MMP28: variants seen among roughly 807,000 people sequenced by gnomAD.
MMP28 encodes matrix metallopeptidase 28.
In MMP28, 55 loss-of-function variants were observed where a neutral mutation model predicts 60.5. The ratio of observed to expected loss-of-function variants is 0.91; its 90% confidence interval spans 0.73 to 1.14. MMP28 has a LOEUF of 1.14. Among genes scored for constraint, MMP28 ranks in the 50% most tolerant of loss-of-function variants. The pLI is 0.00. For synonymous variants in MMP28, 318 were observed against 312.5 expected (o/e 1.02, Z -0.18); for missense variants, 686 against 738.3 (o/e 0.93, Z 0.82).
At chr17:35,783,361 G>C (rs1457644869) in intron 1 of MMP28, among the ~76,000 whole-genome samples, 3 of 152,194 alleles carry the variant, frequency 2.0e-5, no homozygotes, top group Non-Finnish European at 4.4e-5. Flanking sequence ...TCTGTAAAAA[G>C]GGAACTGCTT....
chr17:35,770,456 T>G, intron 4 of MMP28, 144 bp from the exon 5 acceptor site: 2 of 1,109,084 alleles, frequency 1.8e-6, no homozygotes, highest in Non-Finnish European at 2.5e-6. Flanking sequence ...ACCTGAAGTG[T>G]GCAGAGGTGA....
intron 1 of MMP28, among the ~76,000 whole-genome samples, chr17:35,781,033 T>C (rs942678468): frequency 7.9e-5 from 12 of 152,016 alleles, no homozygotes; most frequent in African/African-American, 2.7e-4. Context: ...GGAAAGGGTG[T>C]TCCAGACAGA....
Position 35,766,667 on chromosome 17 carries a change from C to T in MMP28, c.1396G>A (p.Val466Ile). ...LQDWGGIPEE[V>I]SGALPRPDGS... ...TCGGGCCTCGGCAGGGCGCCGCTGA[C>T]CTCCTCAGGGATGCCTCCCCAGTCC... is the stretch of plus-strand genomic sequence containing the variant. Residue 466 changes from valine to isoleucine, a missense_variant, in exon 8 of 8, where the codon GTC becomes ATC. Transcript: ENST00000605424. This position sits in a 1 kb window ranked among gnomAD's most constrained non-coding sequence, Gnocchi z 4.3. The T allele has an allele frequency of 6.2e-7, 1 of 1,610,832 alleles. No homozygotes were observed. The highest frequency in any genetic ancestry group is 8.5e-7 in the Non-Finnish European group (1 of 1,178,814).
intron 4 of MMP28, among the ~76,000 whole-genome samples, chr17:35,771,702 T>G (rs1174247612): frequency 1.2e-4 from 1 of 8,564 alleles, no homozygotes; most frequent in East Asian, 3.8e-3. Context: ...AGTGAATATA[T>G]ATATATATAT....
Position 35,770,263 on chromosome 17 carries a change from G to C in MMP28, c.654C>G (p.Phe218Leu), listed in dbSNP as rs973973035. 2 of 1,578,476 alleles carry C rather than the reference G, an allele frequency of 1.3e-6. No individual in the cohort carries two copies. The highest frequency in any genetic ancestry group is 1.8e-5 in the Admixed American group (1 of 56,616). ...AFLPRRGEAH[F>L]DQDERWSLSR... is the part of the protein sequence containing the mutation. ...TCAGGGACCAGCGCTCATCTTGGTC[G>C]AAGTGCGCTTCGCCGCGGCGGGGCA... Residue 218 changes from phenylalanine to leucine, a missense_variant, in exon 5 of 8, where the codon TTC becomes TTG. By Grantham distance (22) the Phe-to-Leu change is conservative. Transcript: ENST00000605424.
intron 1 of MMP28, among the ~76,000 whole-genome samples, chr17:35,794,874 A>G (rs2086921415): frequency 1.3e-5 from 2 of 152,216 alleles, no homozygotes. Flanking sequence ...CCGGCCAGCC[A>G]GCGGTACCCT....
rs2086305164 is a variant in MMP28 at position 35,775,689 on chromosome 17, A to G, written c.380-2285T>C. Among the ~76,000 whole-genome samples the G allele has an allele frequency of 4.6e-5, 7 of 152,222 alleles. No homozygotes were observed. The South Asian group carries it at 1.4e-3, about 32-fold the overall frequency. The stretch of plus-strand genomic sequence containing the variant: ...TCCCATGGTAAGATGTGAGGCTTAA[A>G]TGAGACAGCAATGTGGAGCTGCTGG... On this transcript the variant is annotated intron_variant, in intron 3 of 7. Transcript: ENST00000605424.
At chr17:35,793,540 A>T (rs1402139396) in intron 1 of MMP28, among the ~76,000 whole-genome samples, 1 of 152,184 alleles carries the variant, frequency 6.6e-6, no homozygotes, top group Admixed American at 6.5e-5. Flanking sequence ...GGAGGGGTGG[A>T]AGGCAATGAG....
intron 1 of MMP28, among the ~76,000 whole-genome samples, chr17:35,788,672 C>T (rs918284268): frequency 3.3e-5 from 5 of 152,150 alleles, no homozygotes; most frequent in African/African-American, 1.2e-4. Flanking sequence ...GGATACTCCA[C>T]AGAAGCTCCA....
rs1555603706 is a variant in MMP28, at chr17:35,766,928, A to G, written c.1169-34T>C. 6.5e-7 allele frequency: 1 copy of G among 1,545,590 alleles called. No individual in the cohort carries two copies. The highest frequency in any genetic ancestry group is 1.9e-5 in the Admixed American group (1 of 51,694). On this transcript the variant is annotated intron_variant, in intron 7 of 7. Transcript: ENST00000605424. This position sits in a 1 kb window ranked among gnomAD's most constrained non-coding sequence, Gnocchi z 4.3. ...AATTGGGAGAGCCAGGGTGAGCTGG[A>G]GGCTGTCACCCATTGGCCCTCTACC...
chr17:35,790,884 A>G lies in MMP28; in HGVS notation c.111+4383T>C, dbSNP rs187196072. On this transcript the variant is annotated intron_variant, in intron 1 of 7. Coordinates refer to ENST00000605424, the MANE Select transcript of MMP28 (RefSeq NM_024302.5). ...CACTGACATTCCAATTCACAAATGT[A>G]TTAATGTTTTTTTTTTTTTTAAATG... is the stretch of plus-strand genomic sequence containing the variant. 2.8e-3 allele frequency among the ~76,000 whole-genome samples: 417 copies of G among 148,398 alleles called. 3 individuals are homozygous for G. Among genetic ancestry groups the G allele is most frequent in the African/African-American group, 1.0e-2 (398 of 39,960 alleles).
At chr17:35,768,868 A>G (rs558150304) in intron 5 of MMP28, among the ~76,000 whole-genome samples, 5 of 152,204 alleles carry the variant, frequency 3.3e-5, no homozygotes, top group Non-Finnish European at 7.3e-5. Context: ...AACTAAACTC[A>G]GGAATCTTCT....
At chr17:35,791,733 C>T (rs2086820110) in intron 1 of MMP28, among the ~76,000 whole-genome samples, 1 of 152,140 alleles carries the variant, frequency 6.6e-6, no homozygotes, top group Admixed American at 6.5e-5. Context: ...CTGGCCCAGA[C>T]TGCCAATATC....
Position 35,770,082 on chromosome 17 carries a change from C to A in MMP28, c.835G>T (p.Val279Leu), listed in dbSNP as rs764976085. The change falls in exon 5 of 8, where the codon GTG becomes TTG. Residue 279 changes from valine to leucine, a missense_variant. Transcript: ENST00000605424. ...GGGGCCTCACCATACAGGCTCTGCA[C>A]GGCCAGCACGTCGTCCCAGCTGAGC... is the stretch of plus-strand genomic sequence containing the variant. ...ALLSWDDVLA[V>L]QSLYGKPLGG... 5 of 1,585,884 alleles carry A rather than the reference C, an allele frequency of 3.2e-6. No individual in the cohort carries two copies. The highest frequency in any genetic ancestry group is 2.3e-5 in the East Asian group (1 of 44,154).
Position 35,776,388 on chromosome 17 carries a change from C to A in MMP28, c.379+2500G>T, listed in dbSNP as rs183400586. 3.8e-3 allele frequency among the ~76,000 whole-genome samples: 573 copies of A among 151,806 alleles called. 3 individuals carry two copies. The highest frequency in any genetic ancestry group is 6.1e-3 in the Non-Finnish European group (414 of 67,892). ...ACGGGGTTTTATCATGTTGGCCAGG[C>A]TGGTCTCAAACTCCTGACCTCAGGT... is the stretch of plus-strand genomic sequence containing the variant. On this transcript the variant is annotated intron_variant, in intron 3 of 7. Transcript: ENST00000605424.
At chr17:35,763,846 G>A (rs1217024797), downstream of MMP28, 5 of 507,820 alleles carry the variant, frequency 9.8e-6, no homozygotes, top group Admixed American at 2.3e-4. Context: ...GCAGTGAGCA[G>A]AGATCACGCC....
chr17:35,765,308 C>T (rs587594546), downstream of MMP28, among the ~76,000 whole-genome samples: 7 of 152,356 alleles, frequency 4.6e-5, no homozygotes, highest in African/African-American at 9.6e-5. Flanking sequence ...AGACCATTCT[C>T]GCCTGCCCTA....
At chr17:35,768,105 A>G in intron 6 of MMP28, 125 bp downstream of exon 6, 1 of 1,351,600 alleles carries the variant, frequency 7.4e-7, no homozygotes, top group South Asian at 1.5e-5. Context: ...TGCTACCTGC[A>G]GCGTGCTTGT....
At chr17:35,785,942 G>A (rs201581333) in intron 1 of MMP28, among the ~76,000 whole-genome samples, 2 of 152,146 alleles carry the variant, frequency 1.3e-5, no homozygotes, top group Non-Finnish European at 2.9e-5. Flanking sequence ...AAGATGGTCT[G>A]GGAAAGCTTT....
Sources: allele counts gnomAD v4.1 joint callset (sites outside exome capture counted in the v4.1 genomes callset), GRCh38; gene constraint gnomAD v4.1.1; non-coding constraint Gnocchi (gnomAD v3.1); transcripts MANE v1.5; gene names NCBI Gene and HGNC (gene_info 2026-07-23, HGNC 2026-07-21).